The following RNF130 variants were observed in gnomAD, a reference collection of about 807,000 sequenced individuals.
The protein encoded by RNF130 is E3 ubiquitin-protein ligase RNF130.
A neutral mutation model predicts 44.6 loss-of-function variants in RNF130; 21 were observed. The ratio of observed to expected loss-of-function variants is 0.47; its 90% confidence interval spans 0.33 to 0.68. RNF130 has a LOEUF of 0.68. Among genes scored for constraint, RNF130 ranks in the 30% least tolerant of loss-of-function variants. The probability of loss-of-function intolerance (pLI) is 0.02; values close to 1 mark genes in which losing one functional copy is unlikely to be tolerated. For missense variants in RNF130, 479 were observed against 560.6 expected (o/e 0.85, Z 1.47); for synonymous variants, 214 against 210.4 (o/e 1.02, Z -0.15).
At chr5:179,925,063 C>T (rs1169694267) in intron 7 of RNF130, among the ~76,000 whole-genome samples, 4 of 152,132 alleles carry the variant, frequency 2.6e-5, no homozygotes, top group African/African-American at 4.8e-5. Context: ...GGTTTTTATC[C>T]GGGCTTCCTG....
intron 3 of RNF130, among the ~76,000 whole-genome samples, chr5:180,011,887 TTTG>T (rs1320228453): frequency 1.3e-5 from 2 of 152,342 alleles, no homozygotes; most frequent in African/African-American, 4.8e-5. Context: ...TTACAAATTT[TTTG>T]TTAAGTCTAA....
At chr5:179,968,119 C>T (rs930252908) in intron 6 of RNF130, among the ~76,000 whole-genome samples, 3 of 151,204 alleles carry the variant, frequency 2.0e-5, no homozygotes, top group African/African-American at 7.3e-5. Flanking sequence ...CACGGTGAAA[C>T]CCCGTCTCTA....
intron 1 of RNF130, among the ~76,000 whole-genome samples, chr5:180,062,000 CTT>C: frequency 6.6e-6 from 1 of 151,680 alleles, no homozygotes; most frequent in Non-Finnish European, 1.5e-5. Flanking sequence ...ATGGAGACTT[CTT>C]TGTGTCCTCA....
chr5:180,046,073 G>A lies in RNF130; in HGVS notation c.248-5426C>T, dbSNP rs531486025. On this transcript the variant is annotated intron_variant, in intron 1 of 8. Transcript: ENST00000521389. ...GTGGGGCTCGGGCATGGCAGGCCCT[G>A]CCCCATGGGGAGGCATCTGAGGCCC... Among the ~76,000 whole-genome samples the A allele has an allele frequency of 2.0e-5, 3 of 152,300 alleles. No individual in the cohort carries two copies. The East Asian group carries it at 5.8e-4, about 30-fold the overall frequency.
intron 2 of RNF130, among the ~76,000 whole-genome samples, chr5:180,027,967 TCAAATCCTCCCGTGTTA>T (rs1764029587): frequency 6.6e-6 from 1 of 152,230 alleles, no homozygotes; most frequent in African/African-American, 2.4e-5. Flanking sequence ...CTCCCTTCTT[TCAAATCCTCCCGTGTTA>T]CTAAGCGACA....
At chr5:179,934,372 T>G (rs1761857464) in intron 7 of RNF130, among the ~76,000 whole-genome samples, 1 of 152,186 alleles carries the variant, frequency 6.6e-6, no homozygotes, top group Non-Finnish European at 1.5e-5. Flanking sequence ...TGCACTCTAC[T>G]TCTTTGCACC....
chr5:180,066,333 C>G (rs1450760281), intron 1 of RNF130, among the ~76,000 whole-genome samples: 16 of 152,206 alleles, frequency 1.1e-4, no homozygotes. Flanking sequence ...TTCTGCCACC[C>G]ACCATGATTC....
chr5:179,980,891 T>A (rs1045763260), intron 3 of RNF130, among the ~76,000 whole-genome samples: 1 of 152,142 alleles, frequency 6.6e-6, no homozygotes, highest in Admixed American at 6.5e-5. Flanking sequence ...GAGATGGTGA[T>A]CCCTACCCTG....
intron 5 of RNF130, among the ~76,000 whole-genome samples, chr5:179,971,362 A>G (rs1762582355): frequency 6.6e-6 from 1 of 152,114 alleles, no homozygotes; most frequent in African/African-American, 2.4e-5. Context: ...GGATAAGATA[A>G]AAGAAATTTT....
At chr5:179,967,162 ACTC>A (rs1762469668) in intron 6 of RNF130, 152 bp from the exon 7 acceptor site, 3 of 641,290 alleles carry the variant, frequency 4.7e-6, no homozygotes, top group South Asian at 3.9e-5. Flanking sequence ...CCACCTACCT[ACTC>A]CTTCTTCTCT....
intron 7 of RNF130, among the ~76,000 whole-genome samples, chr5:179,946,441 A>T (rs1232105098): frequency 1.3e-5 from 2 of 152,212 alleles, no homozygotes; most frequent in African/African-American, 2.4e-5. Flanking sequence ...GGACTTTTAT[A>T]AAAAAAACTT....
chr5:179,916,364 AT>A (rs1371471816), exon 8 of RNF130: 4 of 152,196 alleles, frequency 2.6e-5, no homozygotes, highest in African/African-American at 9.6e-5. Context: ...ACAGAGCGAG[AT>A]CCTGCCTCTA....
In RNF130 at chr5:180,051,963, A is replaced by G. The variant is rs139268904; in HGVS notation, c.248-11316T>C. The stretch of plus-strand genomic sequence containing the variant: ...TACAAAGTTGGTGTCACAGTGCAAT[A>G]TAAGTGTTAATTGTTTATCCACATC... On this transcript the variant is annotated intron_variant, in intron 1 of 8. Coordinates refer to ENST00000521389, the MANE Select transcript of RNF130 (RefSeq NM_018434.6). 5.9e-5 allele frequency among the ~76,000 whole-genome samples: 9 copies of G among 152,358 alleles called. No individual in the cohort carries two copies. In the East Asian group the frequency reaches 1.3e-3, roughly 23 times the overall value.
intron 1 of RNF130, among the ~76,000 whole-genome samples, chr5:180,052,377 G>A (rs377350704): frequency 1.3e-5 from 2 of 152,122 alleles, no homozygotes; most frequent in South Asian, 2.1e-4. Flanking sequence ...CACAAAGGAC[G>A]AAAATTCCTG....
intron 8 of RNF130, among the ~76,000 whole-genome samples, chr5:179,957,149 C>T (rs1014075859): frequency 6.6e-6 from 1 of 152,158 alleles, no homozygotes; most frequent in African/African-American, 2.4e-5. Context: ...TGGTGGCTCA[C>T]GCCTGTAATC....
At chr5:180,052,462 C>T (rs1764708893) in intron 1 of RNF130, among the ~76,000 whole-genome samples, 1 of 152,220 alleles carries the variant, frequency 6.6e-6, no homozygotes, top group Admixed American at 6.5e-5. Flanking sequence ...AGGACACCAC[C>T]CTTGATCCAG....
chr5:179,953,115 AAT>A (rs1324624839), downstream of RNF130, among the ~76,000 whole-genome samples: 2 of 92,966 alleles, frequency 2.2e-5, no homozygotes, highest in Non-Finnish European at 5.1e-5. Context: ...TCCACAAAAA[AAT>A]ATGAGAATAA....
At chr5:179,954,081 A>C (rs1185931848), downstream of RNF130, among the ~76,000 whole-genome samples, 1 of 152,202 alleles carries the variant, frequency 6.6e-6, no homozygotes. Flanking sequence ...TATAAGAAAA[A>C]AGACAGGCAG....
At chr5:179,946,351 C>T (rs942218237) in intron 7 of RNF130, among the ~76,000 whole-genome samples, 1 of 152,216 alleles carries the variant, frequency 6.6e-6, no homozygotes, top group Non-Finnish European at 1.5e-5. Flanking sequence ...GTCAGGCCCC[C>T]CTCCTGACCC....
Sources: gnomAD v4.1 joint callset for allele counts (sites outside exome capture counted in the v4.1 genomes callset) on GRCh38, gnomAD v4.1.1 for gene constraint, MANE v1.5 for transcripts, NCBI Gene and HGNC (gene_info 2026-07-23, HGNC 2026-07-21) for gene names.